Variants in CHM observed in about 807,000 individuals in gnomAD.
CHM encodes rab proteins geranylgeranyltransferase component A 1.
Under a neutral mutation model 49.0 loss-of-function variants are expected in CHM, and 10 were observed. That is an observed-to-expected ratio of 0.20 (90% CI 0.13 to 0.35). The LOEUF is 0.35. Ranked by LOEUF, CHM falls within the 10% of genes least tolerant of loss-of-function variation. The probability of loss-of-function intolerance (pLI) is 1.00; values close to 1 mark genes in which losing one functional copy is unlikely to be tolerated. For missense variants in CHM, 455 were observed against 478.4 expected (o/e 0.95, Z 0.46); for synonymous variants, 184 against 167.5 (o/e 1.10, Z -0.76).
intron 8 of CHM, among the ~76,000 whole-genome samples, chrX:85,929,085 G>A (rs1407525335): frequency 2.7e-5 from 3 of 111,416 alleles, no homozygotes; most frequent in Non-Finnish European, 5.6e-5. Flanking sequence ...AAGACAGAAA[G>A]CTTGAACGTA....
chrX:85,865,210 A>G (rs1423883502), intron 14 of CHM, among the ~76,000 whole-genome samples: 2 of 111,481 alleles, frequency 1.8e-5, no homozygotes, highest in Non-Finnish European at 3.8e-5. Context: ...TCTCATCTCA[A>G]ATTGTTATCC....
chrX:86,022,786 T>C (rs1933660536), intron 2 of CHM, among the ~76,000 whole-genome samples: 1 of 111,219 alleles, frequency 9.0e-6, no homozygotes, highest in African/African-American at 3.3e-5. Context: ...CCAAGGTATG[T>C]CACTGGTACC....
chrX:85,894,422 T>C lies in CHM; in HGVS notation c.1414-138A>G, dbSNP rs760712148. On this transcript the variant is annotated intron_variant, in intron 11 of 14. Coordinates refer to ENST00000357749, the MANE Select transcript of CHM (RefSeq NM_000390.4). The stretch of plus-strand genomic sequence containing the variant: ...GAAAAAAATATGGCTTGTAAGGATT[T>C]AATTTTGGAACAGAATTTGAAACAT... The C allele has an allele frequency of 1.8e-5, 8 of 456,280 alleles. No homozygotes were observed. In the South Asian group the frequency reaches 2.7e-4, roughly 15 times the overall value. The allele number at this position is 456,280 out of a possible 1,213,427, so 37.6% of individuals were successfully genotyped here. A position where few individuals can be genotyped will look rare whatever the true frequency, so the allele number is the denominator to read the frequency against.
At position 85,871,304 on chromosome X, in the gene CHM, C is replaced by CAA. The variant is rs150005971; in HGVS notation, c.1770+1746_1770+1747dup. 8.2e-3 allele frequency among the ~76,000 whole-genome samples: 505 copies of CAA among 61,811 alleles called. 11 individuals carry two copies. The highest frequency in any genetic ancestry group is 0.03 in the South Asian group (26 of 868). 53.7% of individuals were successfully genotyped at this position (61,811 alleles called of 115,157 possible). A position where few individuals can be genotyped will look rare whatever the true frequency, so the allele number is the denominator to read the frequency against. ...CCTGGGTGACAGAGCAAGACTGTCTCAAAAAAAAAAAAAAAAAAGAAGAAA... is the reference window on the plus strand; with the variant it reads ...CCTGGGTGACAGAGCAAGACTGTCTCAAAAAAAAAAAAAAAAAAAAGAAGAAA... On this transcript the variant is annotated intron_variant, in intron 14 of 14. Transcript: ENST00000357749.
intron 8 of CHM, among the ~76,000 whole-genome samples, chrX:85,912,851 T>C (rs991536952): frequency 8.5e-5 from 9 of 105,996 alleles, no homozygotes; most frequent in African/African-American, 1.7e-4. Context: ...CCGTCTCTAC[T>C]AAAAATACAA....
chrX:85,901,222 T>C (rs766769802), intron 9 of CHM, 34 bp from the exon 10 acceptor site: 6 of 854,046 alleles, frequency 7.0e-6, no homozygotes, highest in Non-Finnish European at 6.7e-6. Flanking sequence ...TAAAAGTTCA[T>C]ATTAATGATT....
chrX:86,040,139 C>T (rs946941479), intron 1 of CHM, among the ~76,000 whole-genome samples: 53 of 112,437 alleles, frequency 4.7e-4, no homozygotes, highest in African/African-American at 1.7e-3. Context: ...GCCCACTGAG[C>T]TGTTAACCCT....
At chrX:86,018,422 T>C (rs1933398578) in intron 2 of CHM, among the ~76,000 whole-genome samples, 1 of 112,256 alleles carries the variant, frequency 8.9e-6, no homozygotes, top group Non-Finnish European at 1.9e-5. Context: ...GGATCACTCA[T>C]ACACTGTTAA....
At chrX:85,966,754 CAGATA>C (rs1185290819) in intron 4 of CHM, among the ~76,000 whole-genome samples, 1 of 111,546 alleles carries the variant, frequency 9.0e-6, no homozygotes, top group African/African-American at 3.3e-5. Context: ...TTACACTTTA[CAGATA>C]AGACAAAATA....
At chrX:86,027,932 T>C (rs1329163002) in intron 1 of CHM, among the ~76,000 whole-genome samples, 1 of 111,070 alleles carries the variant, frequency 9.0e-6, no homozygotes, top group Non-Finnish European at 1.9e-5. Flanking sequence ...CCAGCTAATT[T>C]TTGTATTTTT....
At chrX:86,010,824 G>T (rs185005340) in intron 2 of CHM, among the ~76,000 whole-genome samples, 1 of 112,037 alleles carries the variant, frequency 8.9e-6, no homozygotes, top group Non-Finnish European at 1.9e-5. Flanking sequence ...ATATTTCAAA[G>T]AATGCTGGAA....
At chrX:85,879,293 A>G (rs188355733) in intron 12 of CHM, among the ~76,000 whole-genome samples, 1 of 111,336 alleles carries the variant, frequency 9.0e-6, no homozygotes, top group African/African-American at 3.3e-5. Context: ...ATTCACAGAA[A>G]AGAGCTTGTT....
chrX:85,906,128 T>C (rs1237097734), intron 9 of CHM, among the ~76,000 whole-genome samples: 1 of 111,836 alleles, frequency 8.9e-6, no homozygotes, highest in Non-Finnish European at 1.9e-5. Context: ...GTTAATGAAG[T>C]ATTCCGTACT....
chrX:86,040,337 G>A (rs1226241609), intron 1 of CHM, among the ~76,000 whole-genome samples: 2 of 112,194 alleles, frequency 1.8e-5, no homozygotes, highest in Non-Finnish European at 3.8e-5. Context: ...TGTGAGGGGT[G>A]AAACACAGCA....
In CHM at chrX:85,981,818, A is replaced by T; in HGVS notation, c.117-9T>A. ...CTCCATAGTAGCTTCTTCTGTAACA[A>T]TTAAAAAAAAAAAAAAAAGTAAAGA... On this transcript the variant is annotated splice_polypyrimidine_tract_variant and intron_variant, in intron 2 of 14. Coordinates refer to ENST00000357749, the MANE Select transcript of CHM (RefSeq NM_000390.4). The T allele has an allele frequency of 9.4e-7, 1 of 1,064,409 alleles. No homozygotes were observed. Among genetic ancestry groups the T allele is most frequent in the Non-Finnish European group, 1.3e-6 (1 of 795,828 alleles). The allele number at this position is 1,064,409 out of a possible 1,213,427, so 87.7% of individuals were successfully genotyped here.
At chrX:85,935,892 CAG>C (rs1184661801) in intron 8 of CHM, among the ~76,000 whole-genome samples, 4 of 112,221 alleles carry the variant, frequency 3.6e-5, no homozygotes, top group African/African-American at 1.3e-4. Flanking sequence ...TCAGTCCTAA[CAG>C]AGTTCTTTTT....
intron 2 of CHM, among the ~76,000 whole-genome samples, chrX:86,006,876 CA>C (rs1024909012): frequency 1.8e-5 from 2 of 111,825 alleles, no homozygotes; most frequent in African/African-American, 6.5e-5. Flanking sequence ...ATCAAGCTAC[CA>C]ATGACTTTCT....
intron 4 of CHM, among the ~76,000 whole-genome samples, chrX:85,968,173 A>G (rs908375403): frequency 2.7e-5 from 3 of 112,348 alleles, no homozygotes; most frequent in African/African-American, 9.7e-5. Context: ...ATGGCTATTC[A>G]TAAGAATTAC....
intron 3 of CHM, among the ~76,000 whole-genome samples, chrX:85,981,213 T>A (rs1182859912): frequency 1.3e-5 from 1 of 79,054 alleles, no homozygotes; most frequent in Non-Finnish European, 2.4e-5. Context: ...TTTCTATATA[T>A]ATATATAGAC....
Sources: gnomAD v4.1 joint callset for allele counts (sites outside exome capture counted in the v4.1 genomes callset) on GRCh38, gnomAD v4.1.1 for gene constraint, MANE v1.5 for transcripts, NCBI Gene and HGNC (gene_info 2026-07-23, HGNC 2026-07-21) for gene names.